The following DCC variants were observed in gnomAD, a reference collection of about 807,000 sequenced individuals.
DCC encodes the protein netrin receptor DCC.
A neutral mutation model predicts 172.5 loss-of-function variants in DCC; 58 were observed. The ratio of observed to expected loss-of-function variants is 0.34; its 90% CI spans 0.27 to 0.42. The LOEUF is 0.42. Among genes scored for constraint, DCC ranks in the 10% least tolerant of loss-of-function variants. The probability of loss-of-function intolerance (pLI) is 1.00; values close to 1 mark genes in which losing one functional copy is unlikely to be tolerated. For missense variants in DCC, 1,740 were observed against 1,791.0 expected (o/e 0.97, Z 0.51); for synonymous variants, 709 against 644.5 (o/e 1.10, Z -1.52).
rs552724005 is a variant in DCC, at chr18:53,129,285, G to A, written c.1262-28071G>A. Among the ~76,000 whole-genome samples, 8 of 151,870 alleles carry A rather than the reference G, an allele frequency of 5.3e-5. No homozygotes were observed. In the South Asian group the frequency reaches 1.2e-3, roughly 24 times the overall value. Reference sequence around the variant, plus strand: ...TGAATATTTTAAGTTTTCTACCCTCGCACTTTTCTTTCTTCATGTGACTTT... The same window carrying A: ...TGAATATTTTAAGTTTTCTACCCTCACACTTTTCTTTCTTCATGTGACTTT... On this transcript the variant is annotated intron_variant, in intron 7 of 28. Transcript: ENST00000442544.
intron 7 of DCC, among the ~76,000 whole-genome samples, chr18:53,143,470 G>C (rs545549367): frequency 1.3e-5 from 2 of 152,320 alleles, no homozygotes; most frequent in African/African-American, 2.4e-5. Context: ...CACCAGAACA[G>C]ATAGTTTACG....
At chr18:52,724,037 G>A (rs1284911641) in intron 1 of DCC, among the ~76,000 whole-genome samples, 1 of 152,108 alleles carries the variant, frequency 6.6e-6, no homozygotes, top group Non-Finnish European at 1.5e-5. Context: ...GGCAGAAAGG[G>A]GCAATAGTGA....
At chr18:52,727,761 G>T (rs1469101706) in intron 1 of DCC, among the ~76,000 whole-genome samples, 1 of 152,142 alleles carries the variant, frequency 6.6e-6, no homozygotes, top group Non-Finnish European at 1.5e-5. Flanking sequence ...GATTTTGTTG[G>T]TGGTGCCGGC....
chr18:53,200,555 A>G (rs918740251), intron 9 of DCC, among the ~76,000 whole-genome samples: 2 of 152,186 alleles, frequency 1.3e-5, no homozygotes, highest in African/African-American at 4.8e-5. Flanking sequence ...TTCTCCTGGG[A>G]CAAAGAACCA....
At chr18:53,517,694 C>A (rs926704942) in intron 27 of DCC, among the ~76,000 whole-genome samples, 3 of 151,898 alleles carry the variant, frequency 2.0e-5, no homozygotes, top group Non-Finnish European at 2.9e-5. Context: ...TCAGCACGTC[C>A]CCAGTGGTCA....
chr18:52,899,662 C>T (rs1281078331), intron 2 of DCC, among the ~76,000 whole-genome samples: 4 of 151,632 alleles, frequency 2.6e-5, no homozygotes, highest in African/African-American at 9.7e-5. Context: ...GCCTTAAAAA[C>T]AACTTTTTTT....
intron 1 of DCC, among the ~76,000 whole-genome samples, chr18:52,385,482 G>A (rs1452191867): frequency 6.6e-6 from 1 of 152,028 alleles, no homozygotes; most frequent in Non-Finnish European, 1.5e-5. Context: ...TGGGATTGCA[G>A]GCGTGAGCTA....
At chr18:52,938,526 A>C (rs1054702539) in intron 5 of DCC, among the ~76,000 whole-genome samples, 3 of 152,174 alleles carry the variant, frequency 2.0e-5, no homozygotes, top group Non-Finnish European at 2.9e-5. Context: ...GAGCTCAAGA[A>C]TCATAGTATC....
chr18:52,717,888 G>C lies in DCC; in HGVS notation c.92-34166G>C, dbSNP rs541589648. Among the ~76,000 whole-genome samples, 53 of 152,252 alleles carry C rather than the reference G, an allele frequency of 3.5e-4. 1 individual carries two copies. Among genetic ancestry groups the C allele is most frequent in the South Asian group, 8.3e-4 (4 of 4,822 alleles). On this transcript the variant is annotated intron_variant, in intron 1 of 28. Transcript: ENST00000442544. ...GGCAGAACTTTTAGTGCCACTGAAAGATACATTTAAAAATGGTTAAAATTG... is the reference window on the plus strand; with the variant it reads ...GGCAGAACTTTTAGTGCCACTGAAACATACATTTAAAAATGGTTAAAATTG...
At chr18:52,581,960 C>T (rs768996907) in intron 1 of DCC, among the ~76,000 whole-genome samples, 8 of 152,154 alleles carry the variant, frequency 5.3e-5, no homozygotes, top group Non-Finnish European at 1.2e-4. Flanking sequence ...AAAACAATAA[C>T]ATGCACTAGA....
intron 2 of DCC, among the ~76,000 whole-genome samples, chr18:52,778,108 A>G (rs552996480): frequency 1.8e-4 from 28 of 152,356 alleles, no homozygotes; most frequent in Admixed American, 5.2e-4. Context: ...CTCAGCTATC[A>G]TACTAAGAAG....
At chr18:52,831,018 T>C (rs978181780) in intron 2 of DCC, among the ~76,000 whole-genome samples, 1 of 152,084 alleles carries the variant, frequency 6.6e-6, no homozygotes, top group Admixed American at 6.5e-5. Flanking sequence ...GTCTCGGTAT[T>C]AGTAGGACAT....
chr18:52,703,693 T>C (rs773234486), intron 1 of DCC, among the ~76,000 whole-genome samples: 60 of 152,020 alleles, frequency 3.9e-4, no homozygotes, highest in Middle Eastern at 3.4e-3. Context: ...TTTTATATTG[T>C]CAGGTCAATA....
intron 12 of DCC, among the ~76,000 whole-genome samples, chr18:53,244,189 T>C (rs1428839304): frequency 6.6e-6 from 1 of 152,196 alleles, no homozygotes; most frequent in African/African-American, 2.4e-5. Flanking sequence ...TTTGATACTT[T>C]ATTATCTTAA....
At chr18:53,183,352 AC>A (rs1446226982) in intron 9 of DCC, among the ~76,000 whole-genome samples, 1 of 152,010 alleles carries the variant, frequency 6.6e-6, no homozygotes, top group Middle Eastern at 3.2e-3. Flanking sequence ...CCTTTGCTAA[AC>A]CCTTGCCCAT....
intron 24 of DCC, among the ~76,000 whole-genome samples, chr18:53,463,870 T>C (rs572704893): frequency 6.6e-6 from 1 of 152,348 alleles, no homozygotes; most frequent in African/African-American, 2.4e-5. Context: ...ATTCATACTT[T>C]AGCTATGGAA....
intron 1 of DCC, among the ~76,000 whole-genome samples, chr18:52,732,773 C>A (rs1386345767): frequency 6.6e-6 from 1 of 152,114 alleles, no homozygotes; most frequent in Non-Finnish European, 1.5e-5. Flanking sequence ...CTCTAAAAAT[C>A]AACATAACAA....
chr18:53,413,818 A>C (rs1910135833), intron 20 of DCC, among the ~76,000 whole-genome samples: 5 of 152,158 alleles, frequency 3.3e-5, no homozygotes, highest in Admixed American at 3.3e-4. Context: ...CCAAACCTAC[A>C]TACTTCCTGG....
intron 7 of DCC, among the ~76,000 whole-genome samples, chr18:53,085,857 G>A (rs1161523874): frequency 6.6e-6 from 1 of 151,396 alleles, no homozygotes; most frequent in Non-Finnish European, 1.5e-5. Context: ...CTCAGTAATT[G>A]TGAAATGCAA....
Sources: allele counts gnomAD v4.1 joint callset (sites outside exome capture counted in the v4.1 genomes callset), GRCh38; gene constraint gnomAD v4.1.1; transcripts MANE v1.5; gene names NCBI Gene and HGNC (gene_info 2026-07-23, HGNC 2026-07-21).